C10orf90: variants seen among roughly 807,000 people sequenced by gnomAD.
C10orf90 encodes the protein (E2-independent) E3 ubiquitin-conjugating enzyme FATS.
C10orf90 carries 56 observed loss-of-function variants against 62.5 expected under a neutral mutation model. The observed-to-expected ratio is 0.90, with a 90% CI of 0.72 to 1.12. C10orf90 has a LOEUF of 1.12. Among genes scored for constraint, C10orf90 ranks in the 50% most tolerant of loss-of-function variants. The pLI, the probability that C10orf90 is intolerant of heterozygous loss-of-function variation, is 0.00. For missense variants in C10orf90, 970 were observed against 880.4 expected (o/e 1.10, Z -1.29); for synonymous variants, 386 against 340.4 (o/e 1.13, Z -1.47).
At chr10:126,458,681 G>A (rs764923434) in intron 7 of C10orf90, among the ~76,000 whole-genome samples, 1 of 152,158 alleles carries the variant, frequency 6.6e-6, no homozygotes, top group Non-Finnish European at 1.5e-5. Context: ...CTCTCACCCC[G>A]AGATCTGTTT....
intron 2 of C10orf90, among the ~76,000 whole-genome samples, chr10:126,530,040 C>G (rs909258478): frequency 1.3e-5 from 2 of 151,846 alleles, no homozygotes; most frequent in African/African-American, 4.8e-5. Context: ...ATTAAAAAAC[C>G]TCTTGTACAT....
intron 2 of C10orf90, among the ~76,000 whole-genome samples, chr10:126,625,961 AAAAAT>A (rs1389802217): frequency 6.6e-6 from 1 of 152,042 alleles, no homozygotes; most frequent in Non-Finnish European, 1.5e-5. Flanking sequence ...CCAAAAATAC[AAAAAT>A]AAAATAAAAT....
intron 2 of C10orf90, among the ~76,000 whole-genome samples, chr10:126,624,929 A>G (rs1169682594): frequency 6.6e-6 from 1 of 152,340 alleles, no homozygotes; most frequent in South Asian, 2.1e-4. Context: ...AAGATGGACG[A>G]TTACCATTTG....
chr10:126,592,928 C>T (rs772529485), intron 2 of C10orf90, among the ~76,000 whole-genome samples: 2 of 152,144 alleles, frequency 1.3e-5, no homozygotes. Context: ...CCAACAAACA[C>T]ATGAAAAAAA....
chr10:126,670,410 A>G lies in C10orf90; in HGVS notation c.71T>C (p.Val24Ala). The change falls in exon 1 of 10, where the codon GTG becomes GCG. Residue 24 changes from valine (V) to alanine (A), a missense_variant. By Grantham distance (64) the Val-to-Ala change is moderately conservative (BLOSUM62 0). Coordinates refer to ENST00000488181, the MANE Select transcript of C10orf90 (RefSeq NM_001350921.2). ...GYAARYTETAVHRTFQIKTFS... is the reference protein window; with the variant it reads ...GYAARYTETAAHRTFQIKTFS... ...TGTTTTTATCTGGAAAGTCCGATGC[A>G]CGGCCGTTTCTGTGTAGCGGGCAGC... is the stretch of plus-strand genomic sequence containing the variant. 1 of 456,670 alleles carries G rather than the reference A, an allele frequency of 2.2e-6. No individual in the cohort carries two copies. Among genetic ancestry groups the G allele is most frequent in the Non-Finnish European group, 4.4e-6 (1 of 226,954 alleles). The allele number at this position is 456,670 out of a possible 1,614,324, so 28.3% of individuals were successfully genotyped here. A position where few individuals can be genotyped will look rare whatever the true frequency, so the allele number is the denominator to read the frequency against.
intron 1 of C10orf90, among the ~76,000 whole-genome samples, chr10:126,667,499 C>T (rs1846654858): frequency 6.6e-6 from 1 of 152,214 alleles, no homozygotes; most frequent in African/African-American, 2.4e-5. Context: ...TGATTAAAGG[C>T]ATTAGAAACT....
At chr10:126,560,487 TG>T (rs1442926788) in intron 2 of C10orf90, among the ~76,000 whole-genome samples, 1 of 152,124 alleles carries the variant, frequency 6.6e-6, no homozygotes, top group Non-Finnish European at 1.5e-5. Context: ...CTCGTCACTG[TG>T]TCCAGTCCTG....
chr10:126,439,059 G>T (rs1291811112), intron 7 of C10orf90, among the ~76,000 whole-genome samples: 1 of 152,262 alleles, frequency 6.6e-6, no homozygotes, highest in Non-Finnish European at 1.5e-5. Flanking sequence ...GCCAGACCCA[G>T]TTCAAGAGAA....
chr10:126,602,923 C>T (rs1362766005), intron 2 of C10orf90, among the ~76,000 whole-genome samples: 1 of 151,806 alleles, frequency 6.6e-6, no homozygotes, highest in Non-Finnish European at 1.5e-5. Context: ...TAATGCAGCA[C>T]CTGCAGATTG....
chr10:126,465,719 C>G (rs58075547), intron 4 of C10orf90, among the ~76,000 whole-genome samples: 1 of 152,118 alleles, frequency 6.6e-6, no homozygotes, highest in African/African-American at 2.4e-5. Context: ...GTTGTACTAT[C>G]AAAAGCCTGG....
chr10:126,457,857 C>T (rs1256439925), intron 7 of C10orf90, among the ~76,000 whole-genome samples: 1 of 152,182 alleles, frequency 6.6e-6, no homozygotes, highest in African/African-American at 2.4e-5. Context: ...AACTATATCC[C>T]CATTGAACCT....
chr10:126,635,019 A>G (rs1344359795), intron 2 of C10orf90, among the ~76,000 whole-genome samples: 1 of 152,186 alleles, frequency 6.6e-6, no homozygotes, highest in Non-Finnish European at 1.5e-5. Context: ...GTCCAAGAAC[A>G]AGGCCTGGCC....
intron 2 of C10orf90, among the ~76,000 whole-genome samples, chr10:126,586,611 A>G (rs904361095): frequency 6.6e-6 from 1 of 152,124 alleles, no homozygotes; most frequent in South Asian, 2.1e-4. Flanking sequence ...TGCTCAGAAT[A>G]TGCCTACGGA....
At chr10:126,565,114 ATT>A (rs1371243694) in intron 2 of C10orf90, among the ~76,000 whole-genome samples, 15 of 47,006 alleles carry the variant, frequency 3.2e-4, no homozygotes, top group African/African-American at 9.8e-4. Context: ...TAAAATATAT[ATT>A]ATATAATATA....
intron 2 of C10orf90, among the ~76,000 whole-genome samples, chr10:126,645,373 G>T (rs1344124756): frequency 6.6e-6 from 1 of 150,944 alleles, no homozygotes; most frequent in Non-Finnish European, 1.5e-5. Flanking sequence ...TTTGAGACCA[G>T]GCGAGGCAAC....
At position 126,595,121 on chromosome 10, in the gene C10orf90, T is replaced by C. The variant is rs150239874; in HGVS notation, c.313+51444A>G. On this transcript the variant is annotated intron_variant, in intron 2 of 9. Coordinates refer to ENST00000488181, the MANE Select transcript of C10orf90 (RefSeq NM_001350921.2). ...AGTACTAAGGATTTCCAGAAGTCTT[T>C]AGCCTTGTTCTCAAACTCTGGATTC... is the stretch of plus-strand genomic sequence containing the variant. Among the ~76,000 whole-genome samples the C allele has an allele frequency of 5.2e-3, 797 of 152,338 alleles. 3 individuals carry two copies. The highest frequency in any genetic ancestry group is 8.7e-3 in the Non-Finnish European group (590 of 68,034).
chr10:126,429,536 C>CAATT (rs1276619147), intron 8 of C10orf90, among the ~76,000 whole-genome samples: 1 of 152,190 alleles, frequency 6.6e-6, no homozygotes, highest in Admixed American at 6.5e-5. Context: ...TCTTAGAGAC[C>CAATT]AATTACTGGA....
chr10:126,644,278 C>T (rs1397886401), intron 2 of C10orf90, among the ~76,000 whole-genome samples: 1 of 152,208 alleles, frequency 6.6e-6, no homozygotes, highest in South Asian at 2.1e-4. Context: ...TGAGCTTAGT[C>T]CTGCGCTGAA....
chr10:126,487,550 C>T lies in C10orf90; in HGVS notation c.1534+16407G>A, dbSNP rs1336805998. ...TACCTTAGTATGTTAGTCTATGTTA[C>T]AAGGTACAGAGACTAGCACCTTGTA... On this transcript the variant is annotated intron_variant, in intron 4 of 9. Coordinates refer to ENST00000488181, the MANE Select transcript of C10orf90 (RefSeq NM_001350921.2). 3.3e-5 allele frequency among the ~76,000 whole-genome samples: 5 copies of T among 152,116 alleles called. No homozygotes were observed. In the East Asian group the frequency reaches 9.6e-4, roughly 29 times the overall value.
Sources: gnomAD v4.1 joint callset for allele counts (sites outside exome capture counted in the v4.1 genomes callset) on GRCh38, gnomAD v4.1.1 for gene constraint, MANE v1.5 for transcripts, NCBI Gene and HGNC (gene_info 2026-07-23, HGNC 2026-07-21) for gene names.